Variants in MALRD1 observed in about 807,000 individuals in gnomAD.
The protein encoded by MALRD1 is MAM and LDL receptor class A domain containing 1.
MALRD1 carries 247 observed loss-of-function variants against 242.1 expected under a neutral mutation model. The observed-to-expected ratio is 1.02, with a 90% CI of 0.92 to 1.13. MALRD1 has a LOEUF of 1.13. MALRD1 is among the 50% of genes most tolerant of loss of function. The probability of loss-of-function intolerance (pLI) is 0.00; values close to 1 mark genes in which losing one functional copy is unlikely to be tolerated. For synonymous variants in MALRD1, 995 were observed against 866.6 expected (o/e 1.15, Z -2.60); for missense variants, 2,989 against 2,533.1 (o/e 1.18, Z -3.86).
At chr10:19,398,351 A>T (rs1416327673) in intron 28 of MALRD1, among the ~76,000 whole-genome samples, 1 of 152,028 alleles carries the variant, frequency 6.6e-6, no homozygotes, top group African/African-American at 2.4e-5. Flanking sequence ...AATACCAATT[A>T]TTAAAATATT....
rs992030998 is a variant in MALRD1, at chr10:19,048,927, C to A, written c.-12C>A. On this transcript the variant is annotated 5_prime_UTR_variant, in exon 1 of 40. Coordinates refer to ENST00000454679, the MANE Select transcript of MALRD1 (RefSeq NM_001142308.3). ...TTACAACTGCTTGATCTCTAATAGA[C>A]AATACCAAGTAATGCTCTTCTTCCT... 4 of 1,232,782 alleles carry A rather than the reference C, an allele frequency of 3.2e-6. No homozygotes were observed. In the African/African-American group the frequency reaches 4.7e-5, roughly 14 times the overall value. 76.4% of individuals were successfully genotyped at this position (1,232,782 alleles called of 1,614,324 possible). A position where few individuals can be genotyped will look rare whatever the true frequency, so the allele number is the denominator to read the frequency against.
chr10:19,586,817 C>G (rs926908429), intron 33 of MALRD1, among the ~76,000 whole-genome samples: 21 of 152,222 alleles, frequency 1.4e-4, no homozygotes, highest in Non-Finnish European at 3.1e-4. Flanking sequence ...AGGTGCCCCT[C>G]CCCCAGCCTC....
chr10:19,675,985 G>C (rs1303114655), intron 36 of MALRD1, among the ~76,000 whole-genome samples: 1 of 152,144 alleles, frequency 6.6e-6, no homozygotes, highest in Non-Finnish European at 1.5e-5. Context: ...ATCCTTAAAA[G>C]TAAAGATGAG....
At chr10:19,323,887 A>T in intron 21 of MALRD1, 62 bp from the exon 22 acceptor site, 2 of 1,476,272 alleles carry the variant, frequency 1.4e-6, no homozygotes, top group East Asian at 2.5e-5. Context: ...CTGGGATTAC[A>T]GGCGTGAGCC....
intron 28 of MALRD1, among the ~76,000 whole-genome samples, chr10:19,433,710 AT>A (rs1419613112): frequency 1.3e-5 from 2 of 152,150 alleles, no homozygotes; most frequent in Non-Finnish European, 2.9e-5. Context: ...AGAAAAAAAA[AT>A]GAACACCTGT....
At position 19,649,003 on chromosome 10, in the gene MALRD1, T is replaced by C. The variant is rs11010922; in HGVS notation, c.6137+33080T>C. Among the ~76,000 whole-genome samples, 23 of 152,324 alleles carry C rather than the reference T, an allele frequency of 1.5e-4. 1 individual carries two copies. The East Asian group carries it at 4.4e-3, about 29-fold the overall frequency. Reference sequence around the variant, plus strand: ...AGAACATGCAGTATTTGGTTTCCTGTTCCTGCGTTAGTTTGCTAAGGATGA... The same window carrying C: ...AGAACATGCAGTATTTGGTTTCCTGCTCCTGCGTTAGTTTGCTAAGGATGA... On this transcript the variant is annotated intron_variant, in intron 36 of 39. Transcript: ENST00000454679.
At chr10:19,445,988 T>C (rs1423232378) in intron 28 of MALRD1, among the ~76,000 whole-genome samples, 1 of 152,138 alleles carries the variant, frequency 6.6e-6, no homozygotes, top group Non-Finnish European at 1.5e-5. Flanking sequence ...TACTCAAGCC[T>C]CAGCGGTGGT....
intron 36 of MALRD1, among the ~76,000 whole-genome samples, chr10:19,671,885 G>A (rs1401222485): frequency 1.3e-5 from 2 of 151,996 alleles, no homozygotes; most frequent in East Asian, 1.9e-4. Context: ...AGAAGATAAG[G>A]CAACCTTTCT....
intron 38 of MALRD1, among the ~76,000 whole-genome samples, chr10:19,729,504 A>ATT (rs2131936294): frequency 6.7e-6 from 1 of 149,488 alleles, no homozygotes. Flanking sequence ...TCCATTCTCC[A>ATT]TTGTGTGTGT....
Position 19,267,843 on chromosome 10 carries a change from G to A in MALRD1, c.3079+10072G>A, listed in dbSNP as rs575927764. 5.9e-5 allele frequency among the ~76,000 whole-genome samples: 9 copies of A among 152,182 alleles called. No individual in the cohort carries two copies. In the South Asian group the frequency reaches 1.9e-3, roughly 32 times the overall value. ...AAAATAAAGAAATTTGAGCCTTGGT[G>A]ATTGCAATCTTAAATATTCTGGTTT... On this transcript the variant is annotated intron_variant, in intron 19 of 39. Transcript: ENST00000454679.
chr10:19,140,523 T>TGGG (rs1408789937), intron 10 of MALRD1, among the ~76,000 whole-genome samples: 15 of 119,832 alleles, frequency 1.3e-4, no homozygotes, highest in Admixed American at 3.7e-4. Context: ...ATCAAACAAG[T>TGGG]GGGGTGTGTG....
At chr10:19,406,298 C>T (rs1003164423) in intron 28 of MALRD1, among the ~76,000 whole-genome samples, 12 of 152,204 alleles carry the variant, frequency 7.9e-5, no homozygotes, top group African/African-American at 2.9e-4. Flanking sequence ...TTAAAATAGA[C>T]TGCATTAGTA....
At chr10:19,713,918 A>T (rs1260516607) in intron 38 of MALRD1, among the ~76,000 whole-genome samples, 1 of 152,162 alleles carries the variant, frequency 6.6e-6, no homozygotes, top group African/African-American at 2.4e-5. Flanking sequence ...AGAGCATGCA[A>T]TGGGTGTGTG....
chr10:19,458,595 A>G (rs568640452), intron 29 of MALRD1, among the ~76,000 whole-genome samples: 1 of 152,182 alleles, frequency 6.6e-6, no homozygotes, highest in Non-Finnish European at 1.5e-5. Context: ...TTTGAATGAC[A>G]TCAGTTTCTT....
intron 18 of MALRD1, among the ~76,000 whole-genome samples, chr10:19,231,821 C>T (rs7088424): frequency 1.3e-5 from 2 of 151,678 alleles, no homozygotes; most frequent in Non-Finnish European, 2.9e-5. Context: ...GTCGGATCAC[C>T]GAGTCCCGCT....
intron 32 of MALRD1, among the ~76,000 whole-genome samples, chr10:19,547,502 C>T (rs765258238): frequency 5.9e-5 from 9 of 151,740 alleles, no homozygotes; most frequent in Non-Finnish European, 1.3e-4. Flanking sequence ...AAAACCACAT[C>T]TGAAATTATT....
rs184615634 is a variant in MALRD1, at chr10:19,172,741, C to G, written c.1831-2467C>G. Among the ~76,000 whole-genome samples the G allele has an allele frequency of 4.6e-3, 690 of 151,508 alleles. 8 individuals are homozygous for G. Among genetic ancestry groups the G allele is most frequent in the African/African-American group, 0.016 (652 of 41,360 alleles). On this transcript the variant is annotated intron_variant, in intron 13 of 39. Coordinates refer to ENST00000454679, the MANE Select transcript of MALRD1 (RefSeq NM_001142308.3). ...GTCAACAAATGCTTGTCTAATGAGT[C>G]TGAAGAATTAAACATCTATTTTAAT...
At chr10:19,603,471 T>C (rs1329811188) in intron 34 of MALRD1, among the ~76,000 whole-genome samples, 2 of 152,206 alleles carry the variant, frequency 1.3e-5, no homozygotes, top group African/African-American at 4.8e-5. Context: ...CATTTCTTGT[T>C]TTTGTCAGGT....
In MALRD1 at chr10:19,431,462, C is replaced by T. The variant is rs374816275; in HGVS notation, c.4846-18845C>T. ...TTCAAGCAGAAAATTATCCGATTCC[C>T]TTATATGTATACAGTATAGACTTTT... On this transcript the variant is annotated intron_variant, in intron 28 of 39. Transcript: ENST00000454679. 7.9e-5 allele frequency among the ~76,000 whole-genome samples: 12 copies of T among 152,198 alleles called. No homozygotes were observed. The South Asian group carries it at 2.5e-3, about 32-fold the overall frequency.
Sources: gnomAD v4.1 joint callset for allele counts (sites outside exome capture counted in the v4.1 genomes callset) on GRCh38, gnomAD v4.1.1 for gene constraint, MANE v1.5 for transcripts, NCBI Gene and HGNC (gene_info 2026-07-23, HGNC 2026-07-21) for gene names.